CTTNBP2: variants seen among roughly 807,000 people sequenced by gnomAD.
CTTNBP2 encodes the protein cortactin binding protein 2, also known as cortactin-binding protein 2.
CTTNBP2 carries 108 observed loss-of-function variants against 156.9 expected under a neutral mutation model. The ratio of observed to expected loss-of-function variants is 0.69; its 90% CI spans 0.59 to 0.81. CTTNBP2 has a LOEUF of 0.81. Among genes scored for constraint, CTTNBP2 ranks in the 30% least tolerant of loss-of-function variants. CTTNBP2 has a pLI of 0.00. For missense variants in CTTNBP2, 1,924 were observed against 2,035.4 expected (o/e 0.95, Z 1.05); for synonymous variants, 767 against 751.8 (o/e 1.02, Z -0.33).
At chr7:117,830,049 C>T (rs968720486) in intron 2 of CTTNBP2, among the ~76,000 whole-genome samples, 52 of 152,248 alleles carry the variant, frequency 3.4e-4, no homozygotes, top group African/African-American at 1.2e-3. Context: ...ACAGGAGTAT[C>T]AACAGAAGAG....
chr7:117,855,133 G>A (rs1214470092), intron 2 of CTTNBP2, among the ~76,000 whole-genome samples: 1 of 152,106 alleles, frequency 6.6e-6, no homozygotes, highest in Non-Finnish European at 1.5e-5. Flanking sequence ...CTGTCCCAAG[G>A]CAAGGGCTCG....
chr7:117,724,817 G>A (rs1794999457), intron 18 of CTTNBP2, 85 bp from the exon 19 acceptor site: 2 of 1,453,762 alleles, frequency 1.4e-6, no homozygotes, highest in Middle Eastern at 1.8e-4. Flanking sequence ...GATACGGACT[G>A]TTCAAAATAA....
intron 16 of CTTNBP2, among the ~76,000 whole-genome samples, chr7:117,730,418 C>T (rs952876606): frequency 6.6e-6 from 1 of 152,122 alleles, no homozygotes; most frequent in Non-Finnish European, 1.5e-5. Flanking sequence ...GAGTGTTGTA[C>T]CCATGAAGTC....
At chr7:117,816,315 G>A (rs1445133615) in intron 2 of CTTNBP2, among the ~76,000 whole-genome samples, 1 of 152,204 alleles carries the variant, frequency 6.6e-6, no homozygotes, top group African/African-American at 2.4e-5. Context: ...ACCGTGCTTT[G>A]TAATGATCAT....
chr7:117,780,733 T>C (rs940754962), intron 6 of CTTNBP2, 142 bp from the exon 7 acceptor site: 3 of 430,272 alleles, frequency 7.0e-6, no homozygotes, highest in Non-Finnish European at 1.2e-5. Flanking sequence ...ATATCAATTA[T>C]TATGGATCTT....
At position 117,748,056 on chromosome 7, in the gene CTTNBP2, G is replaced by A. The variant is rs553369078; in HGVS notation, c.3349-1957C>T. ...TAAAAGGCTTACGGTGGAGGTGCAG[G>A]CAAGGACCAAACCTGGAGCAAGAAC... On this transcript the variant is annotated intron_variant, in intron 12 of 22. Coordinates refer to ENST00000160373, the MANE Select transcript of CTTNBP2 (RefSeq NM_033427.3). 1.1e-3 allele frequency among the ~76,000 whole-genome samples: 166 copies of A among 152,220 alleles called. 1 individual carries two copies. The highest frequency in any genetic ancestry group is 3.7e-3 in the African/African-American group (153 of 41,516).
intron 3 of CTTNBP2, among the ~76,000 whole-genome samples, chr7:117,799,748 A>AT (rs1799514007): frequency 6.6e-6 from 1 of 152,044 alleles, no homozygotes; most frequent in Non-Finnish European, 1.5e-5. Flanking sequence ...TATATTTTAT[A>AT]TTTTTAACCT....
chr7:117,787,211 T>G (rs1442942285), intron 4 of CTTNBP2, among the ~76,000 whole-genome samples: 10 of 152,206 alleles, frequency 6.6e-5, no homozygotes, highest in Admixed American at 5.9e-4. Context: ...AAATAGTGGT[T>G]AAGACAGAAC....
At chr7:117,769,652 A>G (rs1797702088) in intron 8 of CTTNBP2, among the ~76,000 whole-genome samples, 1 of 152,280 alleles carries the variant, frequency 6.6e-6, no homozygotes, top group Admixed American at 6.5e-5. Context: ...ATAAATGTCA[A>G]TTCATATCAA....
At chr7:117,815,958 G>C (rs534974804) in intron 2 of CTTNBP2, among the ~76,000 whole-genome samples, 1 of 152,280 alleles carries the variant, frequency 6.6e-6, no homozygotes, top group Admixed American at 6.5e-5. Flanking sequence ...GCAAAAAACA[G>C]GTGCATAATG....
chr7:117,842,209 CT>C (rs917434790), intron 2 of CTTNBP2, among the ~76,000 whole-genome samples: 49 of 152,002 alleles, frequency 3.2e-4, no homozygotes, highest in African/African-American at 1.1e-3. Context: ...CCGAAAAAGT[CT>C]TTTTTTTAAA....
At chr7:117,850,024 A>G (rs1371157256) in intron 2 of CTTNBP2, among the ~76,000 whole-genome samples, 1 of 152,260 alleles carries the variant, frequency 6.6e-6, no homozygotes, top group Non-Finnish European at 1.5e-5. Flanking sequence ...TGAAGGTTAA[A>G]TGACATAATC....
At chr7:117,829,383 T>C (rs918918273) in intron 2 of CTTNBP2, among the ~76,000 whole-genome samples, 3 of 152,226 alleles carry the variant, frequency 2.0e-5, no homozygotes, top group Non-Finnish European at 4.4e-5. Context: ...AATATGTCTG[T>C]TCTTAAAACC....
chr7:117,780,627 G>C (rs772626208), intron 6 of CTTNBP2, 36 bp from the exon 7 acceptor site: 1 of 1,437,732 alleles, frequency 7.0e-7, no homozygotes, highest in African/African-American at 1.5e-5. Context: ...CATAAAACCT[G>C]GGTTTGACCT....
At chr7:117,718,984 G>C (rs34680574) in intron 21 of CTTNBP2, among the ~76,000 whole-genome samples, 2 of 152,058 alleles carry the variant, frequency 1.3e-5, no homozygotes, top group African/African-American at 4.8e-5. Flanking sequence ...GTCACCTGAG[G>C]TCAGGAGTTC....
chr7:117,712,940 T>G (rs1794140083), intron 22 of CTTNBP2, among the ~76,000 whole-genome samples: 1 of 152,238 alleles, frequency 6.6e-6, no homozygotes, highest in African/African-American at 2.4e-5. Context: ...GTCCATGGCC[T>G]ATTAATAACT....
rs527295714 is a variant in CTTNBP2, at chr7:117,768,581, A to AAAAGAAAGAAAG, written c.2779-1417_2779-1406dup. On this transcript the variant is annotated intron_variant, in intron 8 of 22. Transcript: ENST00000160373. ...ACTCTGTCTCAAAAAAAAAAAAAAA[A>AAAAGAAAGAAAG]AAAGAAAGAAAGAAAGAAAGAAATA... 7.1e-3 allele frequency among the ~76,000 whole-genome samples: 708 copies of AAAAGAAAGAAAG among 99,092 alleles called. 9 individuals carry two copies. The highest frequency in any genetic ancestry group is 0.013 in the Admixed American group (117 of 8,768). 65.0% of individuals were successfully genotyped at this position (99,092 alleles called of 152,430 possible).
intron 1 of CTTNBP2, among the ~76,000 whole-genome samples, chr7:117,868,720 G>A (rs914138962): frequency 6.6e-6 from 1 of 152,128 alleles, no homozygotes; most frequent in Non-Finnish European, 1.5e-5. Flanking sequence ...TTGCAAAGGA[G>A]CACCAACAGA....
rs1176092996 is a variant in CTTNBP2, at chr7:117,873,363, T to A, written c.53A>T (p.Asp18Val). Residue 18 changes from aspartate (D) to valine (V), a missense_variant, in exon 1 of 23, where the codon GAC (aspartate) becomes GTC (valine). Asp to Val is a radical substitution (Grantham distance 152, BLOSUM62 -3). Coordinates refer to ENST00000160373, the MANE Select transcript of CTTNBP2 (RefSeq NM_033427.3). ...CGCCTCCGCCGCGGCCCCCGCCGCG[T>A]CCTCCGGGGCCCGGGACAAGTCGGG... ...CEPDLSRAPE[D>V]AAGAAAEAAK... The A allele has an allele frequency of 6.8e-7, 1 of 1,469,256 alleles. No individual in the cohort carries two copies. The highest frequency in any genetic ancestry group is 9.0e-7 in the Non-Finnish European group (1 of 1,115,752). The allele number at this position is 1,469,256 out of a possible 1,614,324, so 91.0% of individuals were successfully genotyped here.
Sources: gnomAD v4.1 joint callset for allele counts (sites outside exome capture counted in the v4.1 genomes callset) on GRCh38, gnomAD v4.1.1 for gene constraint, MANE v1.5 for transcripts, NCBI Gene and HGNC (gene_info 2026-07-23, HGNC 2026-07-21) for gene names.